Variants in ABTB3 observed in about 807,000 individuals in gnomAD.
ABTB3 encodes ankyrin repeat and BTB domain containing 3, also known as ankyrin repeat- and BTB/POZ domain-containing protein 3.
chr12:107,337,478 C>G, the ABTB3 span, among the ~76,000 whole-genome samples: 1 of 152,182 alleles, frequency 6.6e-6, no homozygotes, highest in Non-Finnish European at 1.5e-5. Context: ...GTGGCTGGTT[C>G]CCATGTACCA....
At chr12:107,519,679 T>C in the ABTB3 span, among the ~76,000 whole-genome samples, 1 of 152,338 alleles carries the variant, frequency 6.6e-6, no homozygotes, top group Non-Finnish European at 1.5e-5. Context: ...ATTTTACAAG[T>C]ACTCTTCAGG....
the ABTB3 span, among the ~76,000 whole-genome samples, chr12:107,374,316 C>G: frequency 1.3e-5 from 2 of 152,170 alleles, no homozygotes; most frequent in Non-Finnish European, 2.9e-5. Flanking sequence ...TCAGAACTGC[C>G]CTAGTTGTCT....
chr12:107,430,570 C>A, the ABTB3 span, among the ~76,000 whole-genome samples: 10 of 152,314 alleles, frequency 6.6e-5, no homozygotes, highest in African/African-American at 2.4e-4. Context: ...AGTTGTCTTT[C>A]ATTTATCCAT....
chr12:107,558,846 G>A, the ABTB3 span, among the ~76,000 whole-genome samples: 1 of 152,178 alleles, frequency 6.6e-6, no homozygotes, highest in Non-Finnish European at 1.5e-5. Flanking sequence ...GATGTTCTGG[G>A]GCTTGCCCAA....
the ABTB3 span, among the ~76,000 whole-genome samples, chr12:107,551,417 C>T: frequency 6.6e-6 from 1 of 152,168 alleles, no homozygotes; most frequent in Non-Finnish European, 1.5e-5. Flanking sequence ...GTAACTTGAG[C>T]ATTGTGGCAA....
chr12:107,320,992 G>T, the ABTB3 span, among the ~76,000 whole-genome samples: 3 of 152,204 alleles, frequency 2.0e-5, no homozygotes, highest in Admixed American at 1.3e-4. Flanking sequence ...GTCCTTGAAG[G>T]GGGTGGGGCC....
the ABTB3 span, among the ~76,000 whole-genome samples, chr12:107,533,215 C>T: frequency 5.3e-5 from 8 of 152,012 alleles, no homozygotes; most frequent in African/African-American, 1.9e-4. Context: ...ATATTATATA[C>T]AATATACAAA....
the ABTB3 span, among the ~76,000 whole-genome samples, chr12:107,369,905 G>A: frequency 1.3e-5 from 2 of 151,864 alleles, no homozygotes; most frequent in African/African-American, 4.8e-5. Context: ...TAAACTTGGG[G>A]TCAGAGGAAC....
At chr12:107,589,144 A>G in the ABTB3 span, among the ~76,000 whole-genome samples, 572 of 152,340 alleles carry the variant, frequency 3.8e-3, 1 homozygote, top group African/African-American at 0.013. Context: ...TGTACAAACC[A>G]TTTAGAACAA....
At chr12:107,604,727 A>G in the ABTB3 span, among the ~76,000 whole-genome samples, 1 of 152,242 alleles carries the variant, frequency 6.6e-6, no homozygotes, top group Non-Finnish European at 1.5e-5. Context: ...AAAATTAAAA[A>G]TAGAATTACT....
chr12:107,613,679 C>T, the ABTB3 span, among the ~76,000 whole-genome samples: 4 of 152,156 alleles, frequency 2.6e-5, no homozygotes, highest in African/African-American at 4.8e-5. Context: ...ACCCCAACCT[C>T]GTCATAGGTG....
the ABTB3 span, among the ~76,000 whole-genome samples, chr12:107,452,613 G>A: frequency 6.6e-6 from 1 of 152,122 alleles, no homozygotes. Context: ...GCCAAGGGGG[G>A]TGGATCACCT....
chr12:107,587,921 T>G, the ABTB3 span, among the ~76,000 whole-genome samples: 5 of 152,276 alleles, frequency 3.3e-5, no homozygotes, highest in East Asian at 5.8e-4. Flanking sequence ...ACAACAGACA[T>G]TTATTGTCTC....
chr12:107,618,731 G>T, the ABTB3 span, among the ~76,000 whole-genome samples: 1 of 152,246 alleles, frequency 6.6e-6, no homozygotes, highest in Non-Finnish European at 1.5e-5. Context: ...AGGCTCTGCT[G>T]TCGAGGGTCT....
At chr12:107,610,451 C>G in the ABTB3 span, 1 of 1,439,642 alleles carries the variant, frequency 6.9e-7, no homozygotes, top group African/African-American at 1.4e-5. Flanking sequence ...TCTGCAGGCG[C>G]TGGGCAGAGG....
the ABTB3 span, among the ~76,000 whole-genome samples, chr12:107,404,268 A>G: frequency 1.4e-4 from 21 of 151,950 alleles, no homozygotes; most frequent in Admixed American, 1.3e-4. Flanking sequence ...CTTATGAAGA[A>G]AACAGAGTTG....
the ABTB3 span, chr12:107,318,934 C>T: frequency 1.7e-5 from 27 of 1,586,676 alleles, no homozygotes; most frequent in Non-Finnish European, 2.2e-5. Flanking sequence ...CATGAAGTGG[C>T]GCAGCGATGG....
chr12:107,512,911 A>T, the ABTB3 span, among the ~76,000 whole-genome samples: 1 of 152,158 alleles, frequency 6.6e-6, no homozygotes, highest in South Asian at 2.1e-4. Flanking sequence ...CATTTTACAG[A>T]TAGGAAAACC....
the ABTB3 span, among the ~76,000 whole-genome samples, chr12:107,423,083 GCTCAAT>G: frequency 1.3e-3 from 199 of 152,306 alleles, no homozygotes; most frequent in Non-Finnish European, 2.5e-3. Flanking sequence ...CTTCTTGTGT[GCTCAAT>G]CTGGAATCGG....
Sources: allele counts gnomAD v4.1 joint callset (sites outside exome capture counted in the v4.1 genomes callset), GRCh38; gene constraint gnomAD v4.1.1; transcripts MANE v1.5; gene names NCBI Gene and HGNC (gene_info 2026-07-23, HGNC 2026-07-21).